Variants in DENND2D observed in about 807,000 individuals in gnomAD.
The protein encoded by DENND2D is DENN domain-containing protein 2D.
A neutral mutation model predicts 59.8 loss-of-function variants in DENND2D; 37 were observed. The observed-to-expected ratio is 0.62, with a 90% CI of 0.48 to 0.81. The LOEUF (loss-of-function observed/expected upper bound fraction) is 0.81, where lower values mean the gene tolerates loss of function less well. Among genes scored for constraint, DENND2D ranks in the 40% least tolerant of loss-of-function variants. DENND2D has a pLI of 0.00. For missense variants in DENND2D, 525 were observed against 579.7 expected (o/e 0.91, Z 0.97); for synonymous variants, 219 against 211.3 (o/e 1.04, Z -0.31).
Position 111,186,300 on chromosome 1 carries a change from C to CAAA in DENND2D, c.*1302_*1304dup, listed in dbSNP as rs3215959. 1.3e-5 allele frequency among the ~76,000 whole-genome samples: 2 copies of CAAA among 151,130 alleles called. No homozygotes were observed. The highest frequency in any genetic ancestry group is 3.0e-5 in the Non-Finnish European group (2 of 67,704). ...TTTAGGCACCACTGCCATAAACTAC[C>CAAA]AAAAAAAAATGTAATTCCTAGAAGC... On this transcript the variant is annotated 3_prime_UTR_variant, in exon 12 of 12. Coordinates refer to ENST00000357640, the MANE Select transcript of DENND2D (RefSeq NM_024901.5).
intron 1 of DENND2D, 46 bp downstream of exon 1, chr1:111,200,347 A>G: frequency 1.3e-6 from 2 of 1,593,798 alleles, no homozygotes; most frequent in Non-Finnish European, 1.7e-6. Flanking sequence ...AGTCCCGCCT[A>G]AGAGGGTCAC....
intron 9 of DENND2D, 54 bp downstream of exon 9, chr1:111,189,158 T>C (rs1657496891): frequency 1.3e-6 from 2 of 1,580,764 alleles, no homozygotes; most frequent in South Asian, 1.1e-5. Context: ...TGGATGAAAC[T>C]AGAGTGGTAG....
intron 1 of DENND2D, 192 bp from the exon 2 acceptor site, chr1:111,199,990 T>A: frequency 1.5e-6 from 1 of 683,462 alleles, no homozygotes; most frequent in Non-Finnish European, 2.4e-6. Flanking sequence ...CCTGGTAGAC[T>A]TGAAACCATG....
At position 111,197,963 on chromosome 1, in the gene DENND2D, T is replaced by A. The variant is rs200194781; in HGVS notation, c.383A>T (p.Asn128Ile). The A allele has an allele frequency of 6.2e-7, 1 of 1,613,944 alleles. No homozygotes were observed. Among genetic ancestry groups the A allele is most frequent in the Non-Finnish European group, 8.5e-7 (1 of 1,180,018 alleles). ...TCCAATCTTTCTGCTCCCATCCACA[T>A]TGGTCAGAACGAAGGAGAAGGTCTC... ...PRETFSFVLT[N>I]VDGSRKIGYC... The change falls in exon 4 of 12, where the codon AAT becomes ATT. Residue 128 changes from asparagine (N) to isoleucine (I), a missense_variant. By Grantham distance (149) the Asn-to-Ile change is moderately radical. Transcript: ENST00000357640.
rs1200572612 is a variant in DENND2D, at chr1:111,186,775, A to G, written c.*830T>C. On this transcript the variant is annotated 3_prime_UTR_variant, in exon 12 of 12. Transcript: ENST00000357640. The stretch of plus-strand genomic sequence containing the variant: ...GGATGTCCAAGACTGAAGGTAAAGG[A>G]CTAGTGCAAACTGAAAGTGATGGGG... 2.6e-5 allele frequency among the ~76,000 whole-genome samples: 4 copies of G among 152,216 alleles called. No homozygotes were observed. Among genetic ancestry groups the G allele is most frequent in the Admixed American group, 1.3e-4 (2 of 15,276 alleles).
intron 2 of DENND2D, 48 bp downstream of exon 2, chr1:111,199,575 C>T (rs777999821): frequency 6.4e-7 from 1 of 1,567,510 alleles, no homozygotes; most frequent in Non-Finnish European, 8.7e-7. Context: ...TACCACCTTC[C>T]AAACACCCCA....
At chr1:111,203,895 G>A (rs1659047367), upstream of DENND2D, among the ~76,000 whole-genome samples, 1 of 152,162 alleles carries the variant, frequency 6.6e-6, no homozygotes, top group Non-Finnish European at 1.5e-5. Context: ...CTCCCAGGGC[G>A]GCGAGGTGGG....
At chr1:111,201,667 CA>C (rs369796123), upstream of DENND2D, among the ~76,000 whole-genome samples, 1 of 152,300 alleles carries the variant, frequency 6.6e-6, no homozygotes, top group East Asian at 1.9e-4. Context: ...AAAGGGAAAG[CA>C]GGGGGCAAAA....
chr1:111,204,512 C>T, upstream of DENND2D: 1 of 776,088 alleles, frequency 1.3e-6, no homozygotes, highest in South Asian at 3.1e-5. Context: ...GGCCCAACCC[C>T]CGGGCGCACC....
upstream of DENND2D, among the ~76,000 whole-genome samples, chr1:111,201,564 A>G (rs1389613295): frequency 6.6e-6 from 1 of 152,230 alleles, no homozygotes; most frequent in East Asian, 1.9e-4. Context: ...AGACTAGGTA[A>G]GAGAGAAGGA....
upstream of DENND2D, chr1:111,204,106 CTGA>C: frequency 2.1e-6 from 1 of 466,960 alleles, no homozygotes. Context: ...CCGCCCCCAC[CTGA>C]CCCTCTTCCC....
Position 111,192,242 on chromosome 1 carries a change from A to T in DENND2D, c.870T>A (p.Val290=), listed in dbSNP as rs773516777. 1 of 1,613,940 alleles carries T rather than the reference A, an allele frequency of 6.2e-7. No homozygotes were observed. Among genetic ancestry groups the T allele is most frequent in the Admixed American group, 1.7e-5 (1 of 59,994 alleles). Reference sequence around the variant, plus strand: ...CGGTGGCCAGAAGGCTCTCAGGGACAACAGGGATGTAGGTGTGCGCCCAGC... The same window carrying T: ...CGGTGGCCAGAAGGCTCTCAGGGACTACAGGGATGTAGGTGTGCGCCCAGC... ...PFSWAHTYIP[V]VPESLLATVC... Residue 290 remains valine, a synonymous_variant, in exon 8 of 12, where the codon GTT becomes GTA. Transcript: ENST00000357640.
Position 111,199,775 on chromosome 1 carries a change from C to T in DENND2D, c.91G>A (p.Glu31Lys). Reference sequence around the variant, plus strand: ...GCCCTTTCTGGTTCCTTTAAAGCTTCCCCTGAATTGTCCTGGGGTGGTCCT... The same window carrying T: ...GCCCTTTCTGGTTCCTTTAAAGCTTTCCCTGAATTGTCCTGGGGTGGTCCT... Reference protein sequence around the residue: ...RAGPPQDNSGEALKEPERAQE... With the variant: ...RAGPPQDNSGKALKEPERAQE... Residue 31 changes from glutamate to lysine, a missense_variant, in exon 2 of 12, where the codon GAA (glutamate) becomes AAA (lysine). Transcript: ENST00000357640. 6.2e-7 allele frequency: 1 copy of T among 1,613,986 alleles called. No homozygotes were observed. The highest frequency in any genetic ancestry group is 1.3e-5 in the African/African-American group (1 of 75,020).
In DENND2D at chr1:111,199,999, T is replaced by C. The variant is rs934310369; in HGVS notation, c.68-201A>G. On this transcript the variant is annotated intron_variant, in intron 1 of 11. Transcript: ENST00000357640. ...ACCTGCCCTGGTAGACTTGAAACCATGGGGAGCCAAGCAGAGGAAAGAAAC... is the reference window on the plus strand; with the variant it reads ...ACCTGCCCTGGTAGACTTGAAACCACGGGGAGCCAAGCAGAGGAAAGAAAC... 9.2e-6 allele frequency: 6 copies of C among 655,348 alleles called. No homozygotes were observed. In the South Asian group the frequency reaches 1.3e-4, roughly 14 times the overall value. 40.6% of individuals were successfully genotyped at this position (655,348 alleles called of 1,614,324 possible).
intron 4 of DENND2D, 52 bp downstream of exon 4, chr1:111,197,868 G>A (rs368068017): frequency 5.8e-5 from 94 of 1,611,140 alleles, no homozygotes; most frequent in African/African-American, 1.1e-4. Flanking sequence ...AAGCCCAGCC[G>A]TGGAGCTGAG....
rs1035249911 is a variant in DENND2D at position 111,186,674 on chromosome 1, C to T, written c.*931G>A. Among the ~76,000 whole-genome samples, 12 of 152,144 alleles carry T rather than the reference C, an allele frequency of 7.9e-5. No homozygotes were observed. The highest frequency in any genetic ancestry group is 4.4e-5 in the Non-Finnish European group (3 of 68,024). On this transcript the variant is annotated 3_prime_UTR_variant, in exon 12 of 12. Coordinates refer to ENST00000357640, the MANE Select transcript of DENND2D (RefSeq NM_024901.5). ...CGATTCTTTTCTCAAAGGGGAAGAA[C>T]GTCAGTGCAGCGATCCCTTCACCTT...
intron 7 of DENND2D, among the ~76,000 whole-genome samples, chr1:111,194,078 ACCT>A (rs1260381868): frequency 2.6e-5 from 4 of 152,162 alleles, no homozygotes; most frequent in African/African-American, 4.8e-5. Context: ...CTGGATTTAA[ACCT>A]CCTAATTCTG....
chr1:111,201,986 G>T (rs1658851426), upstream of DENND2D, among the ~76,000 whole-genome samples: 1 of 152,230 alleles, frequency 6.6e-6, no homozygotes, highest in African/African-American at 2.4e-5. Flanking sequence ...TCCTGATACA[G>T]ATGGGGAAAC....
upstream of DENND2D, chr1:111,204,225 A>G: frequency 7.1e-7 from 1 of 1,398,852 alleles, no homozygotes; most frequent in East Asian, 3.0e-5. Flanking sequence ...ACCGGGCCCC[A>G]GCCGCCAGCC....
Sources: gnomAD v4.1 joint callset for allele counts (sites outside exome capture counted in the v4.1 genomes callset) on GRCh38, gnomAD v4.1.1 for gene constraint, MANE v1.5 for transcripts, NCBI Gene and HGNC (gene_info 2026-07-23, HGNC 2026-07-21) for gene names.